Variants in RUFY3 observed in about 807,000 individuals in gnomAD.
RUFY3 encodes protein RUFY3.
RUFY3 carries 34 observed loss-of-function variants against 84.0 expected under a neutral mutation model. That is an observed-to-expected ratio of 0.40 (90% CI 0.31 to 0.54). The LOEUF (loss-of-function observed/expected upper bound fraction) is 0.54, where lower values mean the gene tolerates loss of function less well. Ranked by LOEUF, RUFY3 falls within the 20% of genes least tolerant of loss-of-function variation. The pLI is 0.39. For missense variants in RUFY3, 507 were observed against 736.8 expected, an observed-to-expected ratio of 0.69 and a Z score of 3.61; for synonymous variants, 242 against 252.9, an observed-to-expected ratio of 0.96 and a Z score of 0.41.
intron 10 of RUFY3, among the ~76,000 whole-genome samples, chr4:70,785,089 C>T (rs1729563263): frequency 6.6e-6 from 1 of 152,052 alleles, no homozygotes; most frequent in South Asian, 2.1e-4. Context: ...TTTTGTTAAT[C>T]TTTATTTTTT....
intron 10 of RUFY3, among the ~76,000 whole-genome samples, chr4:70,786,500 C>T (rs1036401545): frequency 1.3e-5 from 2 of 151,414 alleles, no homozygotes; most frequent in Admixed American, 6.6e-5. Flanking sequence ...TTGGTATACC[C>T]ATCACCTTAA....
At chr4:70,802,812 A>G in intron 15 of RUFY3, 144 bp from the exon 16 acceptor site, 5 of 520,254 alleles carry the variant, frequency 9.6e-6, no homozygotes, top group South Asian at 3.6e-5. Flanking sequence ...AAAATTAATA[A>G]TTATGTTGTT....
In RUFY3 at chr4:70,760,520, C is replaced by G. The variant is rs187872799; in HGVS notation, c.179-1999C>G. Among the ~76,000 whole-genome samples the G allele has an allele frequency of 3.4e-3, 518 of 151,932 alleles. 3 individuals are homozygous for G. Among genetic ancestry groups the G allele is most frequent in the African/African-American group, 0.012 (477 of 41,428 alleles). ...GGTGTCAGGTGGGAAGGCTAGTAGC[C>G]CTCTACACATATTCATACCCACACC... is the stretch of plus-strand genomic sequence containing the variant. On this transcript the variant is annotated intron_variant, in intron 1 of 17. Coordinates refer to ENST00000381006, the MANE Select transcript of RUFY3 (RefSeq NM_001037442.4).
At position 70,722,143 on chromosome 4, in the gene RUFY3, T is replaced by C; in HGVS notation, c.-431T>C. On this transcript the variant is annotated 5_prime_UTR_variant, in exon 1 of 18. Coordinates refer to ENST00000381006, the MANE Select transcript of RUFY3 (RefSeq NM_001037442.4). The stretch of plus-strand genomic sequence containing the variant: ...TTTTTGTTCAGGTTTTTCTTTTATA[T>C]TTTTTTTCTGCACAAAGGAGGAGGA... 1.6e-6 allele frequency: 2 copies of C among 1,230,796 alleles called. No individual in the cohort carries two copies. Among genetic ancestry groups the C allele is most frequent in the Non-Finnish European group, 2.0e-6 (2 of 987,186 alleles). 76.2% of individuals were successfully genotyped at this position (1,230,796 alleles called of 1,614,324 possible). A position where few individuals can be genotyped will look rare whatever the true frequency, so the allele number is the denominator to read the frequency against.
At chr4:70,792,040 T>A in intron 12 of RUFY3, 1 of 985,496 alleles carries the variant, frequency 1.0e-6, no homozygotes, top group Non-Finnish European at 1.2e-6. Context: ...ATGTTTGTCA[T>A]CTTCTACCTC....
intron 1 of RUFY3, among the ~76,000 whole-genome samples, chr4:70,750,971 T>A (rs905384728): frequency 8.5e-5 from 13 of 152,242 alleles, no homozygotes; most frequent in Non-Finnish European, 1.6e-4. Flanking sequence ...ATATTTTGTC[T>A]ATTGGTTGGT....
chr4:70,707,128 AT>A (rs1230745650), intron 1 of RUFY3, among the ~76,000 whole-genome samples: 1 of 152,248 alleles, frequency 6.6e-6, no homozygotes, highest in East Asian at 1.9e-4. Context: ...ATTGTAGAAA[AT>A]AACAGTATTT....
intron 2 of RUFY3, among the ~76,000 whole-genome samples, chr4:70,763,088 A>T (rs2148707286): frequency 6.6e-6 from 1 of 152,222 alleles, no homozygotes; most frequent in South Asian, 2.1e-4. Flanking sequence ...TAAGCTTTTG[A>T]GGGCAGTAAC....
At chr4:70,770,923 A>C (rs2148729756) in intron 5 of RUFY3, among the ~76,000 whole-genome samples, 1 of 152,256 alleles carries the variant, frequency 6.6e-6, no homozygotes, top group East Asian at 1.9e-4. Context: ...TAATTGGCCT[A>C]ATTTCAGTAT....
chr4:70,768,693 C>G, intron 5 of RUFY3, 32 bp downstream of exon 5: 2 of 1,606,698 alleles, frequency 1.2e-6, no homozygotes, highest in Non-Finnish European at 1.7e-6. Context: ...CCATGGGTGT[C>G]ACTCTGAGTT....
At chr4:70,732,660 A>G (rs1387698240) in intron 1 of RUFY3, among the ~76,000 whole-genome samples, 3 of 152,086 alleles carry the variant, frequency 2.0e-5, no homozygotes, top group Admixed American at 6.6e-5. Context: ...CACAAGGACA[A>G]AAAACCAAAC....
intron 1 of RUFY3, among the ~76,000 whole-genome samples, chr4:70,747,283 C>T (rs767368707): frequency 6.6e-6 from 1 of 152,176 alleles, no homozygotes; most frequent in Non-Finnish European, 1.5e-5. Context: ...TGTAAAAATA[C>T]ATCTTCATCA....
At chr4:70,717,762 G>A (rs769713997), upstream of RUFY3, among the ~76,000 whole-genome samples, 3 of 151,830 alleles carry the variant, frequency 2.0e-5, no homozygotes, top group Non-Finnish European at 4.4e-5. Context: ...TCTGCTACTC[G>A]CTAATTGTGT....
chr4:70,770,812 G>C (rs1355041805), intron 5 of RUFY3, among the ~76,000 whole-genome samples: 3 of 152,104 alleles, frequency 2.0e-5, no homozygotes, highest in African/African-American at 7.2e-5. Context: ...CTTTCGACAT[G>C]CCTTCTTCAC....
upstream of RUFY3, among the ~76,000 whole-genome samples, chr4:70,717,795 T>A (rs1741785568): frequency 6.6e-6 from 1 of 151,786 alleles, no homozygotes; most frequent in South Asian, 2.1e-4. Context: ...GTTACGTGGC[T>A]GAACTTTGGT....
At chr4:70,721,944 T>C (rs1012201012), upstream of RUFY3, 2 of 1,231,912 alleles carry the variant, frequency 1.6e-6, no homozygotes, top group South Asian at 4.1e-5. Context: ...GCTGGTCACA[T>C]GAGCCTGAAT....
At chr4:70,766,943 T>C (rs1476112468) in intron 4 of RUFY3, among the ~76,000 whole-genome samples, 2 of 152,220 alleles carry the variant, frequency 1.3e-5, no homozygotes, top group Non-Finnish European at 2.9e-5. Context: ...ATTGTACTGT[T>C]GTTACCAGGG....
At chr4:70,713,361 C>T (rs907865231) in intron 1 of RUFY3, among the ~76,000 whole-genome samples, 38 of 152,304 alleles carry the variant, frequency 2.5e-4, no homozygotes, top group African/African-American at 8.7e-4. Flanking sequence ...AGCAGTGGTA[C>T]TTGAGAAGGT....
intron 5 of RUFY3, among the ~76,000 whole-genome samples, chr4:70,770,448 G>C (rs552370758): frequency 6.6e-6 from 1 of 152,296 alleles, no homozygotes; most frequent in South Asian, 2.1e-4. Context: ...TTACATCAGT[G>C]CTTGCTGCTT....
Sources: gnomAD v4.1 joint callset for allele counts (sites outside exome capture counted in the v4.1 genomes callset) on GRCh38, gnomAD v4.1.1 for gene constraint, MANE v1.5 for transcripts, NCBI Gene and HGNC (gene_info 2026-07-23, HGNC 2026-07-21) for gene names.